Variants in ITPRID1 observed in about 807,000 individuals in gnomAD.
ITPRID1 encodes protein ITPRID1.
ITPRID1 carries 96 observed loss-of-function variants against 95.4 expected under a neutral mutation model. The ratio of observed to expected loss-of-function variants is 1.01; its 90% CI spans 0.85 to 1.19. The LOEUF (loss-of-function observed/expected upper bound fraction) is 1.19, where lower values mean the gene tolerates loss of function less well. ITPRID1 is among the 50% of genes most tolerant of loss of function. The pLI, the probability that ITPRID1 is intolerant of heterozygous loss-of-function variation, is 0.00. For synonymous variants in ITPRID1, 510 were observed against 453.6 expected (o/e 1.12, Z -1.58); for missense variants, 1,339 against 1,252.9 (o/e 1.07, Z -1.04).
In ITPRID1 at chr7:31,574,581, A is replaced by G. The variant is rs771944010; in HGVS notation, c.437A>G (p.Glu146Gly). 1.9e-6 allele frequency: 3 copies of G among 1,613,916 alleles called. No homozygotes were observed. The East Asian group carries it at 6.7e-5, about 36-fold the overall frequency. Residue 146 changes from glutamate to glycine, a missense_variant, in exon 8 of 15, where the codon GAG becomes GGG. Glu to Gly is a moderately conservative substitution (Grantham distance 98, BLOSUM62 -2). Coordinates refer to ENST00000615280, the MANE Select transcript of ITPRID1 (RefSeq NM_001257967.3). ...WLEFWEIDPV[E>G]ILLDLGFGAD... ...GAATTTTGGGAGATAGATCCAGTGG[A>G]GATTCTCTTGGATCTGGGGTTTGGT...
At chr7:31,519,960 CT>C (rs201974333) in intron 1 of ITPRID1, among the ~76,000 whole-genome samples, 17 of 148,090 alleles carry the variant, frequency 1.1e-4, no homozygotes, top group South Asian at 2.1e-4. Context: ...TTTTACCTAA[CT>C]TTTTTTTTTG....
intron 10 of ITPRID1, among the ~76,000 whole-genome samples, chr7:31,608,833 TTC>T: frequency 6.6e-6 from 1 of 151,880 alleles, no homozygotes. Context: ...TGAATTTTTT[TTC>T]TTTTTTCTTT....
At chr7:31,614,541 C>T (rs1483487873) in intron 10 of ITPRID1, among the ~76,000 whole-genome samples, 1 of 152,140 alleles carries the variant, frequency 6.6e-6, no homozygotes, top group Non-Finnish European at 1.5e-5. Context: ...TCCATGAATG[C>T]AGTAATTTTC....
chr7:31,567,675 G>A (rs144376826), intron 5 of ITPRID1, among the ~76,000 whole-genome samples: 7 of 151,364 alleles, frequency 4.6e-5, no homozygotes, highest in Admixed American at 1.3e-4. Flanking sequence ...TCTGCCTCCC[G>A]GGTTCACACC....
chr7:31,623,609 A>T (rs11762608), intron 10 of ITPRID1, among the ~76,000 whole-genome samples: 22,383 of 136,392 alleles, frequency 0.16, 2,031 homozygotes, highest in East Asian at 0.25. Context: ...GTATCTCAAA[A>T]TAATAAGAGC....
At chr7:31,616,088 CTGCTATGCAA>C (rs569541772) in intron 10 of ITPRID1, among the ~76,000 whole-genome samples, 240 of 152,240 alleles carry the variant, frequency 1.6e-3, no homozygotes, top group Non-Finnish European at 3.2e-3. Flanking sequence ...AAAGGTCTAG[CTGCTATGCAA>C]TGCTATGACA....
chr7:31,529,811 C>G, intron 1 of ITPRID1: 1 of 1,535,072 alleles, frequency 6.5e-7, no homozygotes, highest in Non-Finnish European at 8.7e-7. Context: ...TCTGCTGAAA[C>G]TCCTTTATTC....
intron 10 of ITPRID1, among the ~76,000 whole-genome samples, chr7:31,607,739 T>TA (rs1583566361): frequency 5.1e-5 from 2 of 38,892 alleles, no homozygotes; most frequent in Admixed American, 3.0e-4. Context: ...ATTTTCTTTT[T>TA]CAAAAAAATC....
intron 1 of ITPRID1, among the ~76,000 whole-genome samples, chr7:31,542,399 A>C (rs1009774885): frequency 6.6e-6 from 1 of 152,222 alleles, no homozygotes; most frequent in African/African-American, 2.4e-5. Flanking sequence ...TTTACGACTT[A>C]CACAATCTCT....
chr7:31,658,269 A>T, downstream of ITPRID1: 1 of 1,502,818 alleles, frequency 6.7e-7, no homozygotes, highest in Non-Finnish European at 8.8e-7. Context: ...ATTCTCTTAT[A>T]GGTGAATTAT....
At chr7:31,624,696 C>G (rs1788274541) in intron 10 of ITPRID1, among the ~76,000 whole-genome samples, 1 of 150,384 alleles carries the variant, frequency 6.6e-6, no homozygotes, top group Admixed American at 6.6e-5. Flanking sequence ...CATTACCATT[C>G]AGGACATAGG....
chr7:31,650,255 C>G (rs955843925), intron 12 of ITPRID1, among the ~76,000 whole-genome samples: 1 of 152,136 alleles, frequency 6.6e-6, no homozygotes, highest in Non-Finnish European at 1.5e-5. Context: ...CGAAAGCAAA[C>G]AGTAAATTTT....
intron 9 of ITPRID1, among the ~76,000 whole-genome samples, chr7:31,582,798 C>G (rs1038096915): frequency 2.6e-5 from 4 of 151,940 alleles, no homozygotes; most frequent in African/African-American, 9.7e-5. Context: ...ATTTATCAAG[C>G]CTTAATTAAC....
chr7:31,542,512 TTC>T (rs1267343889), intron 1 of ITPRID1, among the ~76,000 whole-genome samples: 3 of 152,214 alleles, frequency 2.0e-5, no homozygotes, highest in African/African-American at 7.2e-5. Flanking sequence ...TTTATATAAA[TTC>T]TCTTTTCTTT....
intron 10 of ITPRID1, among the ~76,000 whole-genome samples, chr7:31,633,545 G>C (rs1789209724): frequency 6.6e-6 from 1 of 152,160 alleles, no homozygotes. Context: ...GCCTTAGAAG[G>C]AACAACTGCT....
intron 10 of ITPRID1, among the ~76,000 whole-genome samples, chr7:31,617,363 G>T (rs1034853806): frequency 1.3e-5 from 2 of 152,068 alleles, no homozygotes; most frequent in African/African-American, 4.8e-5. Context: ...ATTGCCAAAG[G>T]TATCATACCT....
chr7:31,532,610 G>A (rs552290259), intron 1 of ITPRID1, among the ~76,000 whole-genome samples: 1 of 152,230 alleles, frequency 6.6e-6, no homozygotes, highest in African/African-American at 2.4e-5. Context: ...GTGGTCACAT[G>A]GTTTTTCTCC....
At chr7:31,596,828 T>A (rs1291862401) in intron 10 of ITPRID1, among the ~76,000 whole-genome samples, 2 of 151,726 alleles carry the variant, frequency 1.3e-5, no homozygotes, top group Non-Finnish European at 3.0e-5. Flanking sequence ...AGCTGATTAG[T>A]TTTTACTATC....
At chr7:31,529,574 CTT>C (rs1451113619) in intron 1 of ITPRID1, 2 of 531,588 alleles carry the variant, frequency 3.8e-6, no homozygotes, top group African/African-American at 3.8e-5. Context: ...GAGAGAATCA[CTT>C]TGTGTCTTTA....
Sources: allele counts gnomAD v4.1 joint callset (sites outside exome capture counted in the v4.1 genomes callset), GRCh38; gene constraint gnomAD v4.1.1; transcripts MANE v1.5; gene names NCBI Gene and HGNC (gene_info 2026-07-23, HGNC 2026-07-21).